USH2A: variants seen among roughly 807,000 people sequenced by gnomAD.
The protein encoded by USH2A is Usher syndrome 2A (autosomal recessive, mild).
A neutral mutation model predicts 538.9 loss-of-function variants in USH2A; 443 were observed. That is an observed-to-expected ratio of 0.82 (90% CI 0.76 to 0.89). USH2A has a LOEUF of 0.89. Ranked by LOEUF, USH2A falls within the 40% of genes least tolerant of loss-of-function variation. The pLI, the probability that USH2A is intolerant of heterozygous loss-of-function variation, is 0.00. For synonymous variants in USH2A, 2,413 were observed against 2,273.5 expected, an observed-to-expected ratio of 1.06 and a Z score of -1.75; for missense variants, 6,633 against 6,324.8, an observed-to-expected ratio of 1.05 and a Z score of -1.65.
At chr1:216,389,535 CTTTATA>C (rs1571770694) in intron 3 of USH2A, among the ~76,000 whole-genome samples, 2 of 152,000 alleles carry the variant, frequency 1.3e-5, no homozygotes, top group African/African-American at 4.8e-5. Context: ...TAATCTTGAA[CTTTATA>C]TTTAAGTAGA....
At chr1:215,925,206 G>C (rs1666207120) in intron 38 of USH2A, among the ~76,000 whole-genome samples, 1 of 152,078 alleles carries the variant, frequency 6.6e-6, no homozygotes, top group South Asian at 2.1e-4. Flanking sequence ...TTCAGGAAAG[G>C]ATTTGAGAGC....
At chr1:215,833,620 T>C (rs1663392228) in intron 47 of USH2A, among the ~76,000 whole-genome samples, 2 of 152,114 alleles carry the variant, frequency 1.3e-5, no homozygotes, top group South Asian at 4.1e-4. Flanking sequence ...AAAGTCTCTG[T>C]GACCTTAACT....
intron 61 of USH2A, among the ~76,000 whole-genome samples, chr1:215,684,498 C>G (rs975352559): frequency 2.2e-4 from 33 of 152,186 alleles, no homozygotes; most frequent in African/African-American, 8.0e-4. Context: ...GTCTATTGAT[C>G]TGATGATCCA....
At chr1:216,248,039 T>G (rs1041506274) in intron 12 of USH2A, among the ~76,000 whole-genome samples, 2 of 152,152 alleles carry the variant, frequency 1.3e-5, no homozygotes, top group African/African-American at 4.8e-5. Context: ...GGGCAATTTT[T>G]GGTTTAATCC....
chr1:216,166,062 G>A (rs191324616), intron 21 of USH2A, among the ~76,000 whole-genome samples: 4 of 151,970 alleles, frequency 2.6e-5, no homozygotes, highest in Admixed American at 6.6e-5. Flanking sequence ...AATAGAATGC[G>A]GTAAGAGCTA....
intron 37 of USH2A, among the ~76,000 whole-genome samples, chr1:215,951,951 G>A (rs1243436219): frequency 8.6e-5 from 13 of 151,424 alleles, no homozygotes; most frequent in East Asian, 2.0e-4. Context: ...TGCAAGCTCC[G>A]CTTCCCGGGT....
intron 13 of USH2A, among the ~76,000 whole-genome samples, chr1:216,239,520 G>C (rs939769426): frequency 6.6e-6 from 1 of 152,196 alleles, no homozygotes; most frequent in African/African-American, 2.4e-5. Context: ...TGGAGAGGAA[G>C]AAATGATCTG....
rs1393756456 is a variant in USH2A, at chr1:216,323,669, A to T, written c.1355T>A (p.Val452Asp). The T allele has an allele frequency of 6.2e-7, 1 of 1,613,550 alleles. No individual in the cohort carries two copies. Among genetic ancestry groups the T allele is most frequent in the African/African-American group, 1.3e-5 (1 of 75,000 alleles). Residue 452 changes from valine to aspartate, a missense_variant, in exon 8 of 72, where the codon GTC (valine) becomes GAC (aspartate). Coordinates refer to ENST00000307340, the MANE Select transcript of USH2A (RefSeq NM_206933.4). ...TCCAGGTGTCAGGATGCTAAATGTG[A>T]CATTGCCACGGGAATATGGAGTAAA... ...SNFTPYSRGN[V>D]TFSILTPGPN...
chr1:216,306,849 G>T lies in USH2A; in HGVS notation c.1645-14479C>A, dbSNP rs554050873. 2.6e-5 allele frequency among the ~76,000 whole-genome samples: 4 copies of T among 152,286 alleles called. No homozygotes were observed. The South Asian group carries it at 8.3e-4, about 32-fold the overall frequency. ...AGCTAGCAGCCTCCAGACTGGTAGT[G>T]GGGAGTAACTGCAAACAGCCCTGTG... On this transcript the variant is annotated intron_variant, in intron 9 of 71. Transcript: ENST00000307340.
At chr1:216,073,399 TG>T in intron 27 of USH2A, 99 bp from the exon 28 acceptor site, 1 of 1,294,496 alleles carries the variant, frequency 7.7e-7, no homozygotes, top group East Asian at 2.5e-5. Flanking sequence ...GGAAGGGGGG[TG>T]GTTAGATACA....
chr1:215,981,806 G>C (rs1455910913), intron 35 of USH2A, among the ~76,000 whole-genome samples: 1 of 152,152 alleles, frequency 6.6e-6, no homozygotes, highest in Non-Finnish European at 1.5e-5. Flanking sequence ...TCATTTACCA[G>C]ATAGCCTCTA....
intron 60 of USH2A, among the ~76,000 whole-genome samples, chr1:215,730,985 C>A (rs1009249939): frequency 1.3e-5 from 2 of 152,154 alleles, no homozygotes; most frequent in Non-Finnish European, 2.9e-5. Flanking sequence ...AAGTTGTTTG[C>A]TAGGAACACA....
intron 30 of USH2A, among the ~76,000 whole-genome samples, chr1:216,054,456 A>C (rs1022307101): frequency 2.6e-5 from 4 of 151,928 alleles, no homozygotes; most frequent in Admixed American, 2.6e-4. Context: ...TATGCTGAGA[A>C]GCAGCAAAAC....
chr1:215,741,531 C>T lies in USH2A; in HGVS notation c.11555G>A (p.Cys3852Tyr). The change falls in exon 60 of 72, where the codon TGT becomes TAT. Residue 3852 changes from cysteine to tyrosine, a missense_variant. Cys to Tyr is a radical substitution (Grantham distance 194). Coordinates refer to ENST00000307340, the MANE Select transcript of USH2A (RefSeq NM_206933.4). ...IRIQACQNGS[C>Y]GVSSRMFVKT... The stretch of plus-strand genomic sequence containing the variant: ...GACAAACATCCTACTGCTAACTCCA[C>T]AACTTCCTTGAAAAAAAAAAAATTG... 6.2e-7 allele frequency: 1 copy of T among 1,607,816 alleles called. No individual in the cohort carries two copies. The highest frequency in any genetic ancestry group is 8.5e-7 in the Non-Finnish European group (1 of 1,178,174).
intron 39 of USH2A, 51 bp downstream of exon 39, chr1:215,900,704 T>C (rs1032521909): frequency 1.9e-6 from 3 of 1,612,036 alleles, no homozygotes; most frequent in Non-Finnish European, 2.5e-6. Context: ...AAAAATGTTA[T>C]GTCTATATTG....
chr1:215,694,843 C>T (rs1309947178), intron 61 of USH2A, among the ~76,000 whole-genome samples: 1 of 152,040 alleles, frequency 6.6e-6, no homozygotes, highest in Non-Finnish European at 1.5e-5. Context: ...AGGATTTAGC[C>T]CTTAGAAAAG....
chr1:215,878,792 G>A lies in USH2A; in HGVS notation c.8530C>T (p.Pro2844Ser). The part of the protein sequence containing the change: ...ESYVVISWQP[P>S]SKPNGPNLRY... ...AAATTAGGTCCATTTGGCTTGGATG[G>A]TGGTTGCCAAGAAATCACAACATAT... is the stretch of plus-strand genomic sequence containing the variant. The change falls in exon 42 of 72, where the codon CCA (proline) becomes TCA (serine). Residue 2844 changes from proline to serine, a missense_variant. By Grantham distance (74) the Pro-to-Ser change is moderately conservative (BLOSUM62 -1). Coordinates refer to ENST00000307340, the MANE Select transcript of USH2A (RefSeq NM_206933.4). 6.2e-7 allele frequency: 1 copy of A among 1,613,968 alleles called. No individual in the cohort carries two copies. The highest frequency in any genetic ancestry group is 8.5e-7 in the Non-Finnish European group (1 of 1,179,942).
intron 3 of USH2A, among the ~76,000 whole-genome samples, chr1:216,399,732 T>C (rs1301452307): frequency 1.3e-5 from 2 of 152,076 alleles, no homozygotes; most frequent in Admixed American, 6.5e-5. Flanking sequence ...TATGTCACCA[T>C]GAGGGGCAAC....
chr1:215,860,060 G>T (rs577205465), intron 44 of USH2A, among the ~76,000 whole-genome samples: 7 of 152,226 alleles, frequency 4.6e-5, no homozygotes, highest in African/African-American at 1.2e-4. Flanking sequence ...GCATCCCTTG[G>T]ATTTTGCATC....
Sources: allele counts gnomAD v4.1 joint callset (sites outside exome capture counted in the v4.1 genomes callset), GRCh38; gene constraint gnomAD v4.1.1; transcripts MANE v1.5; gene names NCBI Gene and HGNC (gene_info 2026-07-23, HGNC 2026-07-21).